EGFR: variants seen among roughly 807,000 people sequenced by gnomAD.
EGFR encodes avian erythroblastic leukemia viral (v-erb-b) oncogene homolog.
A neutral mutation model predicts 143.0 loss-of-function variants in EGFR; 58 were observed. The ratio of observed to expected loss-of-function variants is 0.41; its 90% CI spans 0.33 to 0.50. EGFR has a LOEUF of 0.50. EGFR is among the 20% of genes least tolerant of loss of function. EGFR has a pLI of 0.39. For missense variants in EGFR, 1,307 were observed against 1,579.0 expected (o/e 0.83, Z 2.92); for synonymous variants, 613 against 594.4 (o/e 1.03, Z -0.45).
At chr7:55,157,433 A>T (rs1165845804) in intron 10 of EGFR, among the ~76,000 whole-genome samples, 1 of 152,216 alleles carries the variant, frequency 6.6e-6, no homozygotes, top group Non-Finnish European at 1.5e-5. Context: ...GGGCGGCGGG[A>T]GACATGCGGA....
intron 1 of EGFR, among the ~76,000 whole-genome samples, chr7:55,117,653 A>G (rs941943001): frequency 6.6e-6 from 1 of 152,210 alleles, no homozygotes; most frequent in African/African-American, 2.4e-5. Flanking sequence ...GCTGCGATCA[A>G]GTCCTAGGCG....
intron 14 of EGFR, among the ~76,000 whole-genome samples, chr7:55,164,987 C>G (rs762633210): frequency 3.9e-5 from 6 of 152,144 alleles, no homozygotes; most frequent in Non-Finnish European, 8.8e-5. Flanking sequence ...ATGGTTTTGC[C>G]AAGGAAAGAT....
intron 1 of EGFR, among the ~76,000 whole-genome samples, chr7:55,066,654 T>C (rs1789521242): frequency 6.6e-6 from 1 of 152,202 alleles, no homozygotes; most frequent in South Asian, 2.1e-4. Flanking sequence ...GTCAGCTGAA[T>C]TCCTTCCACC....
chr7:55,062,980 A>C (rs1291614605), intron 1 of EGFR, among the ~76,000 whole-genome samples: 12 of 152,102 alleles, frequency 7.9e-5, no homozygotes, highest in Admixed American at 5.2e-4. Flanking sequence ...CCCTTTTTAC[A>C]GGAGAGGAAA....
intron 1 of EGFR, among the ~76,000 whole-genome samples, chr7:55,141,266 T>C (rs1296642142): frequency 6.6e-6 from 1 of 152,238 alleles, no homozygotes; most frequent in South Asian, 2.1e-4. Flanking sequence ...TCTTTTGTTA[T>C]GCTTGCCTAA....
chr7:55,110,988 T>C (rs1792448371), intron 1 of EGFR, among the ~76,000 whole-genome samples: 1 of 152,240 alleles, frequency 6.6e-6, no homozygotes, highest in African/African-American at 2.4e-5. Context: ...GACTTGCAAC[T>C]GCTTTTATTC....
Position 55,019,055 on chromosome 7 carries a change from A to T in EGFR, c.-223A>T. 7.9e-6 allele frequency: 2 copies of T among 254,538 alleles called. No individual in the cohort carries two copies. Among genetic ancestry groups the T allele is most frequent in the Non-Finnish European group, 1.5e-5 (2 of 136,490 alleles). 15.8% of individuals were successfully genotyped at this position (254,538 alleles called of 1,614,324 possible). The stretch of plus-strand genomic sequence containing the variant: ...GCCCCCGGCGCAGCGCGGCCGCAGC[A>T]GCCTCCGCCCCCCGCACGGTGTGAG... On this transcript the variant is annotated 5_prime_UTR_variant, in exon 1 of 28. Coordinates refer to ENST00000275493, the MANE Select transcript of EGFR (RefSeq NM_005228.5).
intron 1 of EGFR, among the ~76,000 whole-genome samples, chr7:55,094,405 A>C (rs1791317564): frequency 6.6e-6 from 1 of 152,214 alleles, no homozygotes. Context: ...CCCACTGATC[A>C]TCTGGGGAGA....
chr7:55,062,384 A>G (rs1371752995), intron 1 of EGFR, among the ~76,000 whole-genome samples: 2 of 152,108 alleles, frequency 1.3e-5, no homozygotes, highest in African/African-American at 4.8e-5. Flanking sequence ...AAAAGGTTAA[A>G]CAGTAGAGAC....
intron 1 of EGFR, among the ~76,000 whole-genome samples, chr7:55,107,156 T>A (rs1429113188): frequency 1.3e-5 from 2 of 152,244 alleles, no homozygotes; most frequent in African/African-American, 4.8e-5. Flanking sequence ...ACTCAAACGT[T>A]CTGATTGTGC....
intron 13 of EGFR, among the ~76,000 whole-genome samples, chr7:55,162,337 C>T (rs1321511837): frequency 6.6e-6 from 1 of 152,242 alleles, no homozygotes; most frequent in African/African-American, 2.4e-5. Context: ...ATAGGAATTA[C>T]AGATGGCTGT....
At chr7:55,036,284 G>GT (rs1562657189) in intron 1 of EGFR, among the ~76,000 whole-genome samples, 2 of 43,582 alleles carry the variant, frequency 4.6e-5, no homozygotes, top group Non-Finnish European at 9.2e-5. Context: ...GGGGGGGGGG[G>GT]TGGGTGTGTG....
chr7:55,172,372 C>T (rs1786391809), intron 16 of EGFR, among the ~76,000 whole-genome samples: 1 of 152,204 alleles, frequency 6.6e-6, no homozygotes, highest in Non-Finnish European at 1.5e-5. Flanking sequence ...ATTAAATGCA[C>T]CCTACAGTCT....
intron 1 of EGFR, among the ~76,000 whole-genome samples, chr7:55,097,215 G>A (rs1791530599): frequency 6.6e-6 from 1 of 150,578 alleles, no homozygotes; most frequent in Non-Finnish European, 1.5e-5. Context: ...GATTCTGGTG[G>A]TGTCTTTGCA....
chr7:55,042,861 G>T (rs1240354037), intron 1 of EGFR, among the ~76,000 whole-genome samples: 1 of 152,140 alleles, frequency 6.6e-6, no homozygotes, highest in Non-Finnish European at 1.5e-5. Flanking sequence ...AATTAGCATT[G>T]CAAATGACTT....
chr7:55,149,655 C>G (rs1794933632), intron 4 of EGFR, among the ~76,000 whole-genome samples: 1 of 152,066 alleles, frequency 6.6e-6, no homozygotes, highest in African/African-American at 2.4e-5. Context: ...TTTGACCAAT[C>G]AATATCACAT....
At chr7:55,128,565 A>G (rs963229810) in intron 1 of EGFR, among the ~76,000 whole-genome samples, 1 of 152,216 alleles carries the variant, frequency 6.6e-6, no homozygotes, top group African/African-American at 2.4e-5. Context: ...TCACCCCTGC[A>G]AGTTATTTGT....
At chr7:55,090,991 T>C (rs1405869033) in intron 1 of EGFR, among the ~76,000 whole-genome samples, 1 of 152,222 alleles carries the variant, frequency 6.6e-6, no homozygotes. Flanking sequence ...AGACATACAA[T>C]GTTCCTCCGG....
chr7:55,046,400 A>C (rs2286962), intron 1 of EGFR, among the ~76,000 whole-genome samples: 4,183 of 152,206 alleles, frequency 0.027, 121 homozygotes, highest in African/African-American at 0.067. Flanking sequence ...TTCCAAAATA[A>C]TGAAGTGAGG....
Sources: allele counts gnomAD v4.1 joint callset (sites outside exome capture counted in the v4.1 genomes callset), GRCh38; gene constraint gnomAD v4.1.1; transcripts MANE v1.5; gene names NCBI Gene and HGNC (gene_info 2026-07-23, HGNC 2026-07-21).